Variants in PLXDC2 observed in about 807,000 individuals in gnomAD.
The protein encoded by PLXDC2 is plexin domain containing 2.
Under a neutral mutation model 68.9 loss-of-function variants are expected in PLXDC2, and 40 were observed. The observed-to-expected ratio is 0.58, with a 90% CI of 0.45 to 0.76. The LOEUF (loss-of-function observed/expected upper bound fraction) is 0.76. PLXDC2 is among the 30% of genes least tolerant of loss of function. The probability of loss-of-function intolerance (pLI) is 0.00; values close to 1 mark genes in which losing one functional copy is unlikely to be tolerated. For synonymous variants in PLXDC2, 243 were observed against 234.2 expected, an observed-to-expected ratio of 1.04 and a Z score of -0.34; for missense variants, 644 against 661.9, an observed-to-expected ratio of 0.97 and a Z score of 0.30.
intron 9 of PLXDC2, among the ~76,000 whole-genome samples, chr10:20,186,929 C>T (rs1336515545): frequency 6.6e-6 from 1 of 151,706 alleles, no homozygotes; most frequent in East Asian, 1.9e-4. Flanking sequence ...TGGGTATATA[C>T]CCAGTAATGG....
chr10:19,984,375 A>G (rs1026725822), intron 1 of PLXDC2, among the ~76,000 whole-genome samples: 2 of 152,266 alleles, frequency 1.3e-5, no homozygotes, highest in East Asian at 3.9e-4. Flanking sequence ...TCAGCCTGAG[A>G]TGTGAGACAT....
intron 4 of PLXDC2, among the ~76,000 whole-genome samples, chr10:20,091,331 C>T (rs185005866): frequency 1.3e-5 from 2 of 152,314 alleles, no homozygotes; most frequent in African/African-American, 4.8e-5. Flanking sequence ...CTCTTCTTCT[C>T]CCTGGCTCTC....
chr10:19,842,462 G>C (rs1836927822), intron 1 of PLXDC2, among the ~76,000 whole-genome samples: 1 of 152,102 alleles, frequency 6.6e-6, no homozygotes, highest in Non-Finnish European at 1.5e-5. Context: ...CCTTTCATAA[G>C]AAGTGTCCTG....
At chr10:20,048,582 G>A (rs139359846) in intron 3 of PLXDC2, among the ~76,000 whole-genome samples, 12 of 152,142 alleles carry the variant, frequency 7.9e-5, no homozygotes, top group East Asian at 3.9e-4. Context: ...AATATACTTC[G>A]TGGAATTTTG....
intron 4 of PLXDC2, among the ~76,000 whole-genome samples, chr10:20,077,008 G>C (rs1218158427): frequency 6.6e-6 from 1 of 152,126 alleles, no homozygotes; most frequent in East Asian, 1.9e-4. Context: ...ATTATAATCA[G>C]TACGACATAT....
intron 12 of PLXDC2, among the ~76,000 whole-genome samples, chr10:20,243,748 A>G (rs1835550870): frequency 6.6e-6 from 1 of 152,192 alleles, no homozygotes; most frequent in African/African-American, 2.4e-5. Flanking sequence ...AAAAATAACG[A>G]AGAGGTAAAT....
At chr10:20,010,920 A>G (rs962260414) in intron 2 of PLXDC2, among the ~76,000 whole-genome samples, 6 of 152,330 alleles carry the variant, frequency 3.9e-5, no homozygotes, top group East Asian at 1.9e-4. Flanking sequence ...GAATTTGAAT[A>G]TAGAGAATGC....
At chr10:19,903,190 C>T (rs377164614) in intron 1 of PLXDC2, among the ~76,000 whole-genome samples, 8 of 151,830 alleles carry the variant, frequency 5.3e-5, no homozygotes, top group South Asian at 4.2e-4. Flanking sequence ...CTGGCTTCAT[C>T]GAATGATTTA....
chr10:20,097,488 C>G (rs1449121810), intron 4 of PLXDC2, among the ~76,000 whole-genome samples: 1 of 152,248 alleles, frequency 6.6e-6, no homozygotes, highest in South Asian at 2.1e-4. Context: ...ATCTTTTTCC[C>G]ATTTCCTGAA....
At chr10:20,198,526 A>C (rs1237708370) in intron 9 of PLXDC2, among the ~76,000 whole-genome samples, 2 of 152,146 alleles carry the variant, frequency 1.3e-5, no homozygotes, top group East Asian at 3.9e-4. Flanking sequence ...AATGTCTTCA[A>C]CTTTTAACTC....
chr10:20,065,389 G>C (rs1836187769), intron 3 of PLXDC2, among the ~76,000 whole-genome samples: 1 of 152,088 alleles, frequency 6.6e-6, no homozygotes, highest in Non-Finnish European at 1.5e-5. Flanking sequence ...ATTCTAGATT[G>C]AATGATTTCA....
At chr10:19,910,305 C>T (rs550607385) in intron 1 of PLXDC2, among the ~76,000 whole-genome samples, 89 of 151,836 alleles carry the variant, frequency 5.9e-4, no homozygotes, top group Non-Finnish European at 1.1e-3. Flanking sequence ...TAATGATAAT[C>T]AGAAGAACAA....
intron 1 of PLXDC2, among the ~76,000 whole-genome samples, chr10:19,876,750 T>C (rs747734641): frequency 6.6e-6 from 1 of 152,170 alleles, no homozygotes; most frequent in South Asian, 2.1e-4. Flanking sequence ...TTTCACAGTG[T>C]TTCATAGATT....
At chr10:19,955,074 ATTTTTT>A (rs750051734) in intron 1 of PLXDC2, among the ~76,000 whole-genome samples, 1 of 99,292 alleles carries the variant, frequency 1.0e-5, no homozygotes, top group Non-Finnish European at 2.0e-5. Context: ...CCTTTCACTG[ATTTTTT>A]TTTTTTTTTT....
At chr10:20,241,149 A>G (rs2119325985) in intron 12 of PLXDC2, among the ~76,000 whole-genome samples, 1 of 152,248 alleles carries the variant, frequency 6.6e-6, no homozygotes, top group East Asian at 1.9e-4. Flanking sequence ...TTTTAAAAGG[A>G]GATAATGTCA....
At chr10:19,835,037 G>T (rs899211411) in intron 1 of PLXDC2, among the ~76,000 whole-genome samples, 5 of 152,140 alleles carry the variant, frequency 3.3e-5, no homozygotes, top group African/African-American at 9.7e-5. Flanking sequence ...TGATGGAAAG[G>T]CATCCTGAAC....
intron 1 of PLXDC2, among the ~76,000 whole-genome samples, chr10:19,896,868 C>A (rs1399965978): frequency 6.6e-6 from 1 of 152,096 alleles, no homozygotes; most frequent in Non-Finnish European, 1.5e-5. Context: ...TACATGGTAG[C>A]CTCTCTGTCT....
At chr10:20,269,805 G>A (rs1835912680) in intron 13 of PLXDC2, among the ~76,000 whole-genome samples, 1 of 151,990 alleles carries the variant, frequency 6.6e-6, no homozygotes, top group Non-Finnish European at 1.5e-5. Context: ...ATCACTTGAG[G>A]TCAGGAGTTC....
At chr10:20,160,274 TATATG>T (rs1834273398) in intron 6 of PLXDC2, among the ~76,000 whole-genome samples, 1 of 152,146 alleles carries the variant, frequency 6.6e-6, no homozygotes, top group Non-Finnish European at 1.5e-5. Flanking sequence ...ATAGTAGAGT[TATATG>T]GTAGTGGTGG....
Sources: allele counts gnomAD v4.1 joint callset (sites outside exome capture counted in the v4.1 genomes callset), GRCh38; gene constraint gnomAD v4.1.1; transcripts MANE v1.5; gene names NCBI Gene and HGNC (gene_info 2026-07-23, HGNC 2026-07-21).